ABCC8: variants seen among roughly 807,000 people sequenced by gnomAD.
The protein encoded by ABCC8 is ATP binding cassette subfamily C member 8.
Under a neutral mutation model 188.0 loss-of-function variants are expected in ABCC8, and 137 were observed. The ratio of observed to expected loss-of-function variants is 0.73; its 90% CI spans 0.63 to 0.84. The LOEUF (loss-of-function observed/expected upper bound fraction) is 0.84, where lower values mean the gene tolerates loss of function less well. Ranked by LOEUF, ABCC8 falls within the 40% of genes least tolerant of loss-of-function variation. The pLI, the probability that ABCC8 is intolerant of heterozygous loss-of-function variation, is 0.00. For missense variants in ABCC8, 1,750 were observed against 2,072.7 expected, an observed-to-expected ratio of 0.84 and a Z score of 3.02; for synonymous variants, 797 against 846.5, an observed-to-expected ratio of 0.94 and a Z score of 1.01.
rs1302864416 is a variant in ABCC8, at chr11:17,406,950, C to A, written c.3100G>T (p.Ala1034Ser). The A allele has an allele frequency of 6.2e-7, 1 of 1,614,160 alleles. No homozygotes were observed. The highest frequency in any genetic ancestry group is 8.5e-7 in the Non-Finnish European group (1 of 1,180,046). The stretch of plus-strand genomic sequence containing the variant: ...GTCAGGGCGCTGTCGGTCCACTTGG[C>A]CAGCCAGTAGTCGATGGCCACCAGG... ...MVLVAIDYWL[A>S]KWTDSALTLT... The change falls in exon 25 of 39, where the codon GCC (alanine) becomes TCC (serine). Residue 1034 changes from alanine to serine, a missense_variant. Physicochemically the swap from Ala to Ser is moderately conservative, Grantham distance 99 (BLOSUM62 1). Coordinates refer to ENST00000389817, the MANE Select transcript of ABCC8 (RefSeq NM_000352.6).
At position 17,475,035 on chromosome 11, in the gene ABCC8, G is replaced by C. The variant is rs1480852254; in HGVS notation, c.149-8C>G. 1.2e-6 allele frequency: 2 copies of C among 1,614,126 alleles called. No homozygotes were observed. The highest frequency in any genetic ancestry group is 4.5e-5 in the East Asian group (2 of 44,874). ...AGCTCTGACTTCCCCATCCTGCAGG[G>C]AGAGACAGTCAGAGGCAGGATGCCT... On this transcript the variant is annotated splice_region_variant and splice_polypyrimidine_tract_variant and intron_variant, in intron 1 of 38. Transcript: ENST00000389817.
intron 16 of ABCC8, 184 bp from the exon 17 acceptor site, chr11:17,417,146 C>T (rs769418751): frequency 1.2e-6 from 1 of 833,938 alleles, no homozygotes; most frequent in Non-Finnish European, 1.4e-6. Context: ...TCCCACAGCA[C>T]CTGGATGGGT....
At chr11:17,450,551 T>C (rs1323497273) in intron 7 of ABCC8, among the ~76,000 whole-genome samples, 3 of 150,298 alleles carry the variant, frequency 2.0e-5, no homozygotes, top group Non-Finnish European at 4.4e-5. Context: ...CCCGCCACCA[T>C]GCCTGGCTAA....
intron 12 of ABCC8, chr11:17,430,526 TC>T (rs1955797360): frequency 2.2e-6 from 1 of 460,092 alleles, no homozygotes; most frequent in East Asian, 4.1e-5. Context: ...TTAGGAGGAT[TC>T]CACATTTGGC....
rs372575984 is a variant in ABCC8 at position 17,468,354 on chromosome 11, A to G, written c.412+1747T>C. Among the ~76,000 whole-genome samples, 26 of 152,376 alleles carry G rather than the reference A, an allele frequency of 1.7e-4. No homozygotes were observed. The East Asian group carries it at 4.4e-3, about 26-fold the overall frequency. On this transcript the variant is annotated intron_variant, in intron 3 of 38. Transcript: ENST00000389817. ...CTAAAAATCAGTCTGACTTAAGGAC[A>G]TAGTGTGAACAAAGTCTAACTGCCA...
chr11:17,398,169 A>G (rs1174536084), intron 30 of ABCC8, among the ~76,000 whole-genome samples, 170 bp downstream of exon 30: 3 of 152,180 alleles, frequency 2.0e-5, no homozygotes, highest in Non-Finnish European at 2.9e-5. Flanking sequence ...TATGGGGAAA[A>G]GGAGCACAGG....
chr11:17,476,672 C>T lies in ABCC8; in HGVS notation c.105G>A (p.Pro35=), dbSNP rs199925058. 507 of 1,612,144 alleles carry T rather than the reference C, an allele frequency of 3.1e-4. No individual in the cohort carries two copies. The highest frequency in any genetic ancestry group is 4.0e-4 in the Non-Finnish European group (471 of 1,179,374). Residue 35 remains proline (P), a synonymous_variant, in exon 1 of 39, where the codon CCG becomes CCA. Coordinates refer to ENST00000389817, the MANE Select transcript of ABCC8 (RefSeq NM_000352.6). ...AGGTGATGAAGAGTAGGAAGACGTG[C>T]GGCACCACGTTGAGCGCGTCCACAA... ...GCFVDALNVV[P]HVFLLFITFP...
At position 17,442,791 on chromosome 11, in the gene ABCC8, G is replaced by A. The variant is rs774238698; in HGVS notation, c.1559C>T (p.Thr520Met). 18 of 1,613,936 alleles carry A rather than the reference G, an allele frequency of 1.1e-5. No individual in the cohort carries two copies. Among genetic ancestry groups the A allele is most frequent in the Admixed American group, 8.3e-5 (5 of 60,008 alleles). The change falls in exon 10 of 39, where the codon ACG (threonine) becomes ATG (methionine). Residue 520 changes from threonine (T) to methionine (M), a missense_variant. Coordinates refer to ENST00000389817, the MANE Select transcript of ABCC8 (RefSeq NM_000352.6). ...KLYAWENIFR[T>M]RVETTRRKEM... ...CTTCCTGCGGGTCGTCTCCACCCGC[G>A]TGCGGAAGATGTTCTCCCAGGCGTA... is the stretch of plus-strand genomic sequence containing the variant.
At chr11:17,408,108 T>C (rs990701979) in intron 23 of ABCC8, 1 of 345,110 alleles carries the variant, frequency 2.9e-6, no homozygotes, top group Non-Finnish European at 5.3e-6. Flanking sequence ...TTGTTTTCTT[T>C]GCTTAGTTTT....
At chr11:17,394,736 A>G (rs558940888) in intron 36 of ABCC8, among the ~76,000 whole-genome samples, 10 of 152,184 alleles carry the variant, frequency 6.6e-5, no homozygotes, top group East Asian at 1.9e-4. Context: ...GCCACCCCCA[A>G]TGCTCCAGGA....
chr11:17,447,236 T>G (rs1956572133), intron 8 of ABCC8, among the ~76,000 whole-genome samples: 1 of 152,098 alleles, frequency 6.6e-6, no homozygotes, highest in Non-Finnish European at 1.5e-5. Context: ...AGGGTGAAGA[T>G]TTAGTCCCAG....
chr11:17,413,614 C>T, intron 19 of ABCC8, 136 bp from the exon 20 acceptor site: 1 of 1,554,414 alleles, frequency 6.4e-7, no homozygotes, highest in South Asian at 1.1e-5. Flanking sequence ...CGCTTGGGTG[C>T]AAGCAAACAC....
At chr11:17,426,687 C>T (rs185080179) in intron 16 of ABCC8, among the ~76,000 whole-genome samples, 4 of 152,260 alleles carry the variant, frequency 2.6e-5, no homozygotes, top group Admixed American at 2.6e-4. Flanking sequence ...TCTGAGTAAC[C>T]ATGGGATTCA....
intron 26 of ABCC8, among the ~76,000 whole-genome samples, chr11:17,406,292 G>A (rs1288692604): frequency 6.6e-6 from 1 of 152,180 alleles, no homozygotes; most frequent in African/African-American, 2.4e-5. Flanking sequence ...AGGGCAGGGA[G>A]CTGAACTCAT....
intron 8 of ABCC8, 82 bp downstream of exon 8, chr11:17,448,434 C>A (rs1173130789): frequency 2.4e-6 from 3 of 1,240,494 alleles, no homozygotes; most frequent in Non-Finnish European, 3.6e-6. Flanking sequence ...AGACGGTGTG[C>A]TCCTAGTTAC....
intron 19 of ABCC8, 99 bp downstream of exon 19, chr11:17,414,413 C>T (rs1954963254): frequency 6.6e-6 from 10 of 1,509,754 alleles, no homozygotes; most frequent in Non-Finnish European, 9.2e-6. Flanking sequence ...AGTGAGATGG[C>T]TGGGTGTGGG....
chr11:17,408,680 C>T, intron 22 of ABCC8, 163 bp from the exon 23 acceptor site: 1 of 648,036 alleles, frequency 1.5e-6, no homozygotes, highest in African/African-American at 2.0e-5. Context: ...ATAACCTACC[C>T]CAACCAACAT....
chr11:17,459,519 C>T (rs1283630382), intron 6 of ABCC8, among the ~76,000 whole-genome samples: 48 of 152,100 alleles, frequency 3.2e-4, no homozygotes, highest in Admixed American at 2.9e-3. Flanking sequence ...CTGCTGGCTG[C>T]GATTTTGGAG....
chr11:17,452,052 C>A (rs1197382265), intron 7 of ABCC8, among the ~76,000 whole-genome samples: 2 of 152,168 alleles, frequency 1.3e-5, no homozygotes, highest in East Asian at 3.8e-4. Flanking sequence ...CCTGTGTCAG[C>A]CCTGACTCTA....
Sources: allele counts gnomAD v4.1 joint callset (sites outside exome capture counted in the v4.1 genomes callset), GRCh38; gene constraint gnomAD v4.1.1; transcripts MANE v1.5; gene names NCBI Gene and HGNC (gene_info 2026-07-23, HGNC 2026-07-21).